COL18A1: variants seen among roughly 807,000 people sequenced by gnomAD.
The protein encoded by COL18A1 is collagen alpha-1(XVIII) chain.
A neutral mutation model predicts 168.0 loss-of-function variants in COL18A1; 133 were observed. The ratio of observed to expected loss-of-function variants is 0.79; its 90% confidence interval spans 0.69 to 0.91. The LOEUF (loss-of-function observed/expected upper bound fraction) is 0.91. Ranked by LOEUF, COL18A1 falls within the 40% of genes least tolerant of loss-of-function variation. COL18A1 has a pLI of 0.00. For missense variants in COL18A1, 2,126 were observed against 1,925.4 expected (o/e 1.10, Z -1.95); for synonymous variants, 949 against 809.0 (o/e 1.17, Z -2.94).
intron 2 of COL18A1, among the ~76,000 whole-genome samples, chr21:45,453,508 A>G (rs1435861646): frequency 2.6e-5 from 4 of 152,220 alleles, no homozygotes; most frequent in African/African-American, 9.6e-5. Flanking sequence ...TGGGAACCAG[A>G]TCCCGGGGGC....
chr21:45,488,753 G>A (rs1568918956), intron 18 of COL18A1, among the ~76,000 whole-genome samples: 1 of 152,112 alleles, frequency 6.6e-6, no homozygotes, highest in Non-Finnish European at 1.5e-5. Flanking sequence ...GGGGCATAGG[G>A]GAAGAACTCA....
chr21:45,426,347 C>A (rs917680811), intron 2 of COL18A1, among the ~76,000 whole-genome samples: 1 of 152,158 alleles, frequency 6.6e-6, no homozygotes, highest in Admixed American at 6.5e-5. Context: ...TCAGGTGATC[C>A]GCCTGCCTTG....
At position 45,495,373 on chromosome 21, in the gene COL18A1, A is replaced by T; in HGVS notation, c.2449A>T (p.Asn817Tyr). 6.2e-7 allele frequency: 1 copy of T among 1,610,950 alleles called. No individual in the cohort carries two copies. Among genetic ancestry groups the T allele is most frequent in the Non-Finnish European group, 8.5e-7 (1 of 1,178,738 alleles). The change falls in exon 29 of 42, where the codon AAC becomes TAC. Residue 817 changes from asparagine to tyrosine, a missense_variant. Transcript: ENST00000651438. ...TCCGCCCCAGGGTCGCCCCGGGATG[A>T]ACGGATTGAAAGGAGAGAAAGGGGA... ...FPGRPGRPGM[N>Y]GLKGEKGEPG...
At chr21:45,441,638 G>A (rs538855610) in intron 2 of COL18A1, among the ~76,000 whole-genome samples, 2 of 152,266 alleles carry the variant, frequency 1.3e-5, no homozygotes, top group East Asian at 1.9e-4. Context: ...ACCAGCCGGC[G>A]CCTTCTACAG....
intron 5 of COL18A1, 126 bp from the exon 6 acceptor site, chr21:45,476,225 C>T (rs1388138308): frequency 1.4e-6 from 2 of 1,417,864 alleles, no homozygotes. Context: ...CTGGAGCACC[C>T]TCCTGTTTCA....
intron 20 of COL18A1, 55 bp downstream of exon 20, chr21:45,490,401 C>T (rs117112394): frequency 0.033 from 43,344 of 1,327,944 alleles, 964 homozygotes; most frequent in Non-Finnish European, 0.038. Context: ...CCTGAAGGGA[C>T]TATGCTAAGA....
At chr21:45,427,902 C>CG (rs2033852681) in intron 2 of COL18A1, among the ~76,000 whole-genome samples, 1 of 152,136 alleles carries the variant, frequency 6.6e-6, no homozygotes, top group South Asian at 2.1e-4. Context: ...CTCATACACC[C>CG]GGGGCCTGGA....
intron 2 of COL18A1, among the ~76,000 whole-genome samples, chr21:45,452,938 G>C (rs2034671775): frequency 6.6e-6 from 1 of 151,762 alleles, no homozygotes; most frequent in South Asian, 2.1e-4. Context: ...CATGTGACAT[G>C]TGAGCATGTA....
chr21:45,490,467 T>TGGGTTCCTGGGCCTCCTTGTGCCCTCCC, intron 20 of COL18A1, 121 bp downstream of exon 20: 1 of 783,240 alleles, frequency 1.3e-6, no homozygotes, highest in Non-Finnish European at 2.0e-6. Flanking sequence ...TGTGCCCTCG[T>TGGGTTCCTGGGCCTCCTTGTGCCCTCCC]GGGTCCCTGG....
At chr21:45,502,044 CCGCAGCCGGTCACCTCCCTCTGCCG>C (rs2036891817) in intron 32 of COL18A1, among the ~76,000 whole-genome samples, 1 of 82,514 alleles carries the variant, frequency 1.2e-5, no homozygotes, top group Non-Finnish European at 2.5e-5. Context: ...TCAGGGGCCT[CCGCAGCCGGTCACCTCCCTCTGCCG>C]AAGGACCCCC....
intron 26 of COL18A1, chr21:45,494,121 C>T: frequency 2.9e-6 from 1 of 347,430 alleles, no homozygotes; most frequent in Non-Finnish European, 5.5e-6. Flanking sequence ...AGCAGTGAGC[C>T]CTCCGGGGTG....
At position 45,477,869 on chromosome 21, in the gene COL18A1, G is replaced by A. The variant is rs2145924994; in HGVS notation, c.1125G>A (p.Leu375=). 1.3e-6 allele frequency: 2 copies of A among 1,555,720 alleles called. No homozygotes were observed. Among genetic ancestry groups the A allele is most frequent in the Non-Finnish European group, 1.7e-6 (2 of 1,149,546 alleles). Residue 375 remains leucine, a synonymous_variant, in exon 8 of 42, where the codon CTG becomes CTA. Transcript: ENST00000651438. ...GTCTCCCGTGCCCAGTGAGTCCCCT[G>A]GGTCCTGCAGGCCCAGCGTTGCAAA... ...PPGLPCPVSP[L]GPAGPALQTV...
intron 2 of COL18A1, among the ~76,000 whole-genome samples, chr21:45,440,516 G>T (rs1332277262): frequency 6.6e-6 from 1 of 152,036 alleles, no homozygotes; most frequent in Non-Finnish European, 1.5e-5. Flanking sequence ...CCCGGAAGCA[G>T]TCGGGGCCTG....
chr21:45,469,332 G>A (rs2035330754), intron 3 of COL18A1, among the ~76,000 whole-genome samples: 2 of 152,348 alleles, frequency 1.3e-5, no homozygotes, highest in East Asian at 1.9e-4. Flanking sequence ...CAAAGCTGGC[G>A]GCAGCAGGGT....
intron 24 of COL18A1, 70 bp from the exon 25 acceptor site, chr21:45,493,093 A>G: frequency 7.0e-7 from 1 of 1,431,816 alleles, no homozygotes; most frequent in Non-Finnish European, 9.6e-7. Context: ...CTGTCGGGGG[A>G]GATGGAGCAG....
intron 2 of COL18A1, among the ~76,000 whole-genome samples, chr21:45,444,434 G>C (rs142412709): frequency 6.6e-6 from 1 of 152,176 alleles, no homozygotes; most frequent in African/African-American, 2.4e-5. Context: ...GTGGTGAGGC[G>C]TAGGGCTGGG....
At chr21:45,488,919 C>A (rs1327210304) in intron 18 of COL18A1, among the ~76,000 whole-genome samples, 1 of 151,634 alleles carries the variant, frequency 6.6e-6, no homozygotes, top group Non-Finnish European at 1.5e-5. Context: ...CCCACCCAGG[C>A]CCCGAAGCTC....
chr21:45,476,834 G>C (rs1202672091), intron 6 of COL18A1, among the ~76,000 whole-genome samples: 4 of 150,946 alleles, frequency 2.6e-5, no homozygotes, highest in Admixed American at 6.6e-5. Context: ...TGCATGTTGT[G>C]TTGTATGTGA....
rs771434230 is a variant in COL18A1, at chr21:45,405,507, G to A, written c.106+34G>A. Reference sequence around the variant, plus strand: ...CGGGCGGGACGGGAAGGTTCGCGCCGGTGCCCGCCGGCCTCGCCGCCCTGG... The same window carrying A: ...CGGGCGGGACGGGAAGGTTCGCGCCAGTGCCCGCCGGCCTCGCCGCCCTGG... On this transcript the variant is annotated intron_variant, in intron 2 of 41. Coordinates refer to ENST00000651438, the MANE Select transcript of COL18A1 (RefSeq NM_001379500.1). 9.6e-6 allele frequency: 12 copies of A among 1,255,698 alleles called. No homozygotes were observed. The African/African-American group carries it at 1.1e-4, about 12-fold the overall frequency. The allele number at this position is 1,255,698 out of a possible 1,614,324, so 77.8% of individuals were successfully genotyped here. A position where few individuals can be genotyped will look rare whatever the true frequency, so the allele number is the denominator to read the frequency against.
Sources: allele counts gnomAD v4.1 joint callset (sites outside exome capture counted in the v4.1 genomes callset), GRCh38; gene constraint gnomAD v4.1.1; transcripts MANE v1.5; gene names NCBI Gene and HGNC (gene_info 2026-07-23, HGNC 2026-07-21).